CAMK2D: variants seen among roughly 807,000 people sequenced by gnomAD.
CAMK2D encodes the protein calcium/calmodulin dependent protein kinase II delta.
Under a neutral mutation model 84.0 loss-of-function variants are expected in CAMK2D, and 37 were observed. The observed-to-expected ratio is 0.44, with a 90% CI of 0.34 to 0.58. CAMK2D has a LOEUF of 0.58. Ranked by LOEUF, CAMK2D falls within the 20% of genes least tolerant of loss-of-function variation. The pLI is 0.02. For missense variants in CAMK2D, 448 were observed against 652.5 expected (o/e 0.69, Z 3.41); for synonymous variants, 202 against 212.5 (o/e 0.95, Z 0.43).
chr4:113,504,301 G>A (rs2154153480), intron 14 of CAMK2D, among the ~76,000 whole-genome samples: 1 of 152,262 alleles, frequency 6.6e-6, no homozygotes, highest in South Asian at 2.1e-4. Context: ...GACTAATTTA[G>A]TCGTTAATTG....
At chr4:113,457,128 C>G in intron 19 of CAMK2D, 8 of 1,311,514 alleles carry the variant, frequency 6.1e-6, no homozygotes, top group Non-Finnish European at 8.1e-6. Flanking sequence ...TCATATACTG[C>G]TCTATAGCAA....
At chr4:113,722,139 G>C (rs1169734732) in intron 2 of CAMK2D, among the ~76,000 whole-genome samples, 1 of 152,206 alleles carries the variant, frequency 6.6e-6, no homozygotes, top group Non-Finnish European at 1.5e-5. Flanking sequence ...TATAGAAAAA[G>C]TTTTTTGCTT....
intron 7 of CAMK2D, among the ~76,000 whole-genome samples, chr4:113,535,092 G>T (rs1392662020): frequency 6.6e-6 from 1 of 152,158 alleles, no homozygotes; most frequent in South Asian, 2.1e-4. Context: ...GATAACAAAG[G>T]CTTGTCTTAT....
intron 16 of CAMK2D, among the ~76,000 whole-genome samples, chr4:113,482,417 A>C (rs1204844291): frequency 6.6e-6 from 1 of 152,206 alleles, no homozygotes; most frequent in Non-Finnish European, 1.5e-5. Context: ...AGGTGTGTTA[A>C]AAGCACTAGA....
chr4:113,515,969 C>T (rs2098278931), intron 9 of CAMK2D, among the ~76,000 whole-genome samples: 1 of 152,112 alleles, frequency 6.6e-6, no homozygotes, highest in East Asian at 1.9e-4. Flanking sequence ...ATATGATTAG[C>T]ATATTTAGTA....
chr4:113,679,761 C>T (rs1449825061), intron 2 of CAMK2D, among the ~76,000 whole-genome samples: 2 of 152,094 alleles, frequency 1.3e-5, no homozygotes, highest in Non-Finnish European at 2.9e-5. Context: ...TTTATCAGAT[C>T]AACTTCATAG....
chr4:113,639,380 T>C (rs753738676), intron 3 of CAMK2D, among the ~76,000 whole-genome samples: 33 of 152,118 alleles, frequency 2.2e-4, no homozygotes, highest in Non-Finnish European at 4.4e-4. Context: ...GCCCTGAAGA[T>C]AAAAAGTGAA....
At chr4:113,630,609 G>T (rs1427298891) in intron 3 of CAMK2D, among the ~76,000 whole-genome samples, 1 of 152,182 alleles carries the variant, frequency 6.6e-6, no homozygotes, top group East Asian at 1.9e-4. Context: ...AATAATATAT[G>T]TCAACTGCCA....
At chr4:113,537,220 A>C in intron 7 of CAMK2D, 121 bp downstream of exon 7, 2 of 560,174 alleles carry the variant, frequency 3.6e-6, no homozygotes, top group South Asian at 5.6e-5. Context: ...ATATCTAAAA[A>C]TTAGTCAAAT....
chr4:113,734,078 A>C (rs1299371384), intron 2 of CAMK2D, among the ~76,000 whole-genome samples: 1 of 152,014 alleles, frequency 6.6e-6, no homozygotes, highest in Admixed American at 6.5e-5. Context: ...ATTTTGTTTA[A>C]AATTCTCTTG....
chr4:113,658,232 A>G (rs1435760234), intron 3 of CAMK2D, among the ~76,000 whole-genome samples: 4 of 152,160 alleles, frequency 2.6e-5, no homozygotes, highest in Admixed American at 2.0e-4. Context: ...ATCGTTCTTT[A>G]CATGAATAAA....
At chr4:113,699,380 C>T (rs369470382) in intron 2 of CAMK2D, among the ~76,000 whole-genome samples, 2 of 152,114 alleles carry the variant, frequency 1.3e-5, no homozygotes, top group East Asian at 1.9e-4. Flanking sequence ...TATTTAAGTG[C>T]TATTGATTCC....
intron 2 of CAMK2D, among the ~76,000 whole-genome samples, chr4:113,752,834 T>C (rs1037512899): frequency 6.6e-6 from 1 of 152,148 alleles, no homozygotes; most frequent in Non-Finnish European, 1.5e-5. Flanking sequence ...CTTGTTATAG[T>C]AGCATTTAAA....
intron 3 of CAMK2D, among the ~76,000 whole-genome samples, chr4:113,632,640 T>G (rs28687820): frequency 0.092 from 13,916 of 151,452 alleles, 1,909 homozygotes; most frequent in African/African-American, 0.3. Context: ...AAGAAAAAAA[T>G]CAAAGGAGGC....
intron 6 of CAMK2D, among the ~76,000 whole-genome samples, chr4:113,543,852 G>A (rs1019155289): frequency 2.0e-5 from 3 of 151,504 alleles, no homozygotes; most frequent in Non-Finnish European, 4.4e-5. Context: ...AATGCAGTGG[G>A]GCGATCTCTG....
chr4:113,699,402 G>A (rs908730363), intron 2 of CAMK2D, among the ~76,000 whole-genome samples: 17 of 152,160 alleles, frequency 1.1e-4, no homozygotes, highest in South Asian at 4.1e-4. Flanking sequence ...TTAACATTAT[G>A]TTGTGGATAC....
At chr4:113,614,226 A>T (rs1269506787) in intron 3 of CAMK2D, among the ~76,000 whole-genome samples, 1 of 152,096 alleles carries the variant, frequency 6.6e-6, no homozygotes, top group Non-Finnish European at 1.5e-5. Context: ...TTTATATAAA[A>T]TATTATTTGG....
chr4:113,512,274 G>A (rs1057207566), intron 12 of CAMK2D, among the ~76,000 whole-genome samples: 4 of 152,294 alleles, frequency 2.6e-5, no homozygotes, highest in South Asian at 2.1e-4. Context: ...GAAGGAGGTT[G>A]CAAAACTCAA....
intron 3 of CAMK2D, among the ~76,000 whole-genome samples, chr4:113,616,475 T>A (rs897629836): frequency 1.3e-5 from 2 of 152,194 alleles, no homozygotes; most frequent in Non-Finnish European, 2.9e-5. Context: ...GAAATCATTA[T>A]GCCTTTTATA....
Sources: allele counts gnomAD v4.1 joint callset (sites outside exome capture counted in the v4.1 genomes callset), GRCh38; gene constraint gnomAD v4.1.1; transcripts MANE v1.5; gene names NCBI Gene and HGNC (gene_info 2026-07-23, HGNC 2026-07-21).